Variants in MYO3A observed in about 807,000 individuals in gnomAD.
MYO3A encodes the protein myosin-IIIa.
Under a neutral mutation model 192.7 loss-of-function variants are expected in MYO3A, and 180 were observed. The ratio of observed to expected loss-of-function variants is 0.93; its 90% CI spans 0.83 to 1.06. The LOEUF is 1.06. Among genes scored for constraint, MYO3A ranks in the 50% least tolerant of loss-of-function variants. The pLI is 0.00. For synonymous variants in MYO3A, 628 were observed against 645.3 expected, an observed-to-expected ratio of 0.97 and a Z score of 0.41; for missense variants, 1,896 against 1,905.0, an observed-to-expected ratio of 1.00 and a Z score of 0.09.
intron 10 of MYO3A, among the ~76,000 whole-genome samples, chr10:26,039,831 G>A (rs936584580): frequency 2.0e-5 from 3 of 151,230 alleles, no homozygotes; most frequent in Non-Finnish European, 3.0e-5. Context: ...TCAACTTTTT[G>A]TTTCATTGAT....
At chr10:26,062,254 A>C (rs1404621463) in intron 10 of MYO3A, among the ~76,000 whole-genome samples, 3 of 151,842 alleles carry the variant, frequency 2.0e-5, no homozygotes, top group Non-Finnish European at 4.4e-5. Flanking sequence ...AAAATTATGG[A>C]GGAATCTTGT....
chr10:26,018,991 G>T (rs1372813337), intron 7 of MYO3A, among the ~76,000 whole-genome samples: 3 of 152,058 alleles, frequency 2.0e-5, no homozygotes, highest in African/African-American at 7.2e-5. Flanking sequence ...GCTTTATAAA[G>T]GTATAACTAT....
chr10:26,208,408 A>G (rs962589468), intron 34 of MYO3A, among the ~76,000 whole-genome samples: 6 of 152,188 alleles, frequency 3.9e-5, no homozygotes. Flanking sequence ...TTTGAGCCCT[A>G]TAGACCTGGG....
chr10:26,091,645 C>G (rs888522413), intron 15 of MYO3A, among the ~76,000 whole-genome samples: 1 of 152,192 alleles, frequency 6.6e-6, no homozygotes, highest in African/African-American at 2.4e-5. Flanking sequence ...AGCAATTACT[C>G]TATGTCAGGC....
Position 26,070,328 on chromosome 10 carries a change from T to C in MYO3A, c.1286T>C (p.Ile429Thr), listed in dbSNP as rs775553915. The C allele has an allele frequency of 1.9e-6, 3 of 1,613,160 alleles. No homozygotes were observed. In the East Asian group the frequency reaches 6.7e-5, roughly 36 times the overall value. ...CTTTTCTATGTATAGTGCATTGTTA[T>C]TTCTGGAGAAAGTGGTGCTGGAAAG... Reference protein sequence around the residue: ...ITYNSDQCIVISGESGAGKTE... With the variant: ...ITYNSDQCIVTSGESGAGKTE... Residue 429 changes from isoleucine (I) to threonine (T), a missense_variant, in exon 14 of 35, where the codon ATT (isoleucine) becomes ACT (threonine). Physicochemically the swap from Ile to Thr is moderately conservative, Grantham distance 89. Coordinates refer to ENST00000642920, the MANE Select transcript of MYO3A (RefSeq NM_017433.5).
At chr10:25,992,637 G>A (rs1328807745) in intron 4 of MYO3A, among the ~76,000 whole-genome samples, 6 of 152,158 alleles carry the variant, frequency 3.9e-5, no homozygotes, top group Non-Finnish European at 8.8e-5. Context: ...TATGATATTG[G>A]CTGTGGGTTT....
rs768926850 is a variant in MYO3A, at chr10:26,170,444, A to G, written c.3303A>G (p.Gln1101=). 1 of 1,613,720 alleles carries G rather than the reference A, an allele frequency of 6.2e-7. No individual in the cohort carries two copies. The highest frequency in any genetic ancestry group is 8.5e-7 in the Non-Finnish European group (1 of 1,179,768). Residue 1101 remains glutamine, a synonymous_variant, in exon 29 of 35, where the codon CAA becomes CAG. Coordinates refer to ENST00000642920, the MANE Select transcript of MYO3A (RefSeq NM_017433.5). ...SAARGHLVRK[Q]RKEIVDMKNT... ...CAAGAGGACACCTTGTCAGGAAACA[A>G]AGAAAAGAAATTGTTGACATGAAAA...
Position 26,115,578 on chromosome 10 carries a change from T to C in MYO3A, c.1777-5098T>C, listed in dbSNP as rs117044937. ...AATCCAACAGTTTTTTGTATAAGAA[T>C]AGAAAAAAATCTTAGTCAGTTTTTC... On this transcript the variant is annotated intron_variant, in intron 17 of 34. Coordinates refer to ENST00000642920, the MANE Select transcript of MYO3A (RefSeq NM_017433.5). Among the ~76,000 whole-genome samples, 65 of 152,262 alleles carry C rather than the reference T, an allele frequency of 4.3e-4. No homozygotes were observed. The East Asian group carries it at 0.01, about 24-fold the overall frequency.
At chr10:26,115,464 G>A (rs1167485928) in intron 17 of MYO3A, among the ~76,000 whole-genome samples, 4 of 152,162 alleles carry the variant, frequency 2.6e-5, no homozygotes, top group Non-Finnish European at 4.4e-5. Context: ...TTCAGTGTAT[G>A]TATTAATGAT....
At chr10:26,129,157 T>C (rs1839393299) in intron 20 of MYO3A, among the ~76,000 whole-genome samples, 1 of 152,216 alleles carries the variant, frequency 6.6e-6, no homozygotes, top group Non-Finnish European at 1.5e-5. Flanking sequence ...CAGTATGTCA[T>C]TTTTCTCCTT....
chr10:26,053,388 C>G (rs1156539216), intron 10 of MYO3A, among the ~76,000 whole-genome samples: 1 of 151,996 alleles, frequency 6.6e-6, no homozygotes, highest in African/African-American at 2.4e-5. Flanking sequence ...AGAATCTGAT[C>G]TAGGAGTACA....
intron 10 of MYO3A, among the ~76,000 whole-genome samples, chr10:26,042,524 A>G (rs983522906): frequency 2.0e-5 from 3 of 151,214 alleles, no homozygotes; most frequent in African/African-American, 7.3e-5. Context: ...GTCTCTTCTG[A>G]TTGCATTTTC....
intron 17 of MYO3A, among the ~76,000 whole-genome samples, chr10:26,101,363 G>A (rs1383850187): frequency 6.6e-6 from 1 of 152,196 alleles, no homozygotes; most frequent in Non-Finnish European, 1.5e-5. Context: ...TTGCCAGTCT[G>A]TGTCTTTTAA....
intron 14 of MYO3A, among the ~76,000 whole-genome samples, chr10:26,071,532 T>C (rs982952177): frequency 6.6e-6 from 1 of 152,140 alleles, no homozygotes; most frequent in Non-Finnish European, 1.5e-5. Flanking sequence ...AAAAATTTGA[T>C]TTTGTCAAAA....
At chr10:26,057,500 T>C (rs1834183636) in intron 10 of MYO3A, among the ~76,000 whole-genome samples, 1 of 152,200 alleles carries the variant, frequency 6.6e-6, no homozygotes, top group Admixed American at 6.5e-5. Context: ...TGAGTGAGTT[T>C]GTGTTAGTTT....
At chr10:26,196,566 C>A (rs990507376) in intron 32 of MYO3A, among the ~76,000 whole-genome samples, 4 of 151,990 alleles carry the variant, frequency 2.6e-5, no homozygotes, top group African/African-American at 4.8e-5. Flanking sequence ...TGAAGATATA[C>A]CACGTGTTCA....
intron 20 of MYO3A, among the ~76,000 whole-genome samples, chr10:26,135,784 G>A (rs780720503): frequency 6.6e-6 from 1 of 151,882 alleles, no homozygotes; most frequent in Non-Finnish European, 1.5e-5. Flanking sequence ...TGGCCAACAT[G>A]GCGACACCTC....
intron 2 of MYO3A, among the ~76,000 whole-genome samples, chr10:25,936,889 G>T (rs928165167): frequency 3.3e-5 from 5 of 150,038 alleles, no homozygotes; most frequent in African/African-American, 1.2e-4. Context: ...ATGGTAAGCA[G>T]TTAAAAAAAA....
chr10:26,052,113 A>G (rs1432558293), intron 10 of MYO3A, among the ~76,000 whole-genome samples: 3 of 152,226 alleles, frequency 2.0e-5, no homozygotes, highest in Non-Finnish European at 4.4e-5. Flanking sequence ...GTCCACCTAG[A>G]AAAAAGTAGG....
Sources: allele counts gnomAD v4.1 joint callset (sites outside exome capture counted in the v4.1 genomes callset), GRCh38; gene constraint gnomAD v4.1.1; transcripts MANE v1.5; gene names NCBI Gene and HGNC (gene_info 2026-07-23, HGNC 2026-07-21).